Variants in USP9X observed in about 807,000 individuals in gnomAD.
USP9X encodes the protein ubiquitin specific peptidase 9 X-linked, also known as ubiquitin carboxyl-terminal hydrolase 9X.
Under a neutral mutation model 190.3 loss-of-function variants are expected in USP9X, and 7 were observed. The ratio of observed to expected loss-of-function variants is 0.04; its 90% confidence interval spans 0.02 to 0.07. The LOEUF (loss-of-function observed/expected upper bound fraction) is 0.07, where lower values mean the gene tolerates loss of function less well. USP9X is among the 10% of genes least tolerant of loss of function. The pLI, the probability that USP9X is intolerant of heterozygous loss-of-function variation, is 1.00. For missense variants in USP9X, 1,010 were observed against 1,916.9 expected, an observed-to-expected ratio of 0.53 and a Z score of 8.83; for synonymous variants, 645 against 659.5, an observed-to-expected ratio of 0.98 and a Z score of 0.34.
intron 32 of USP9X, among the ~76,000 whole-genome samples, chrX:41,207,629 A>T (rs1283498445): frequency 1.8e-5 from 2 of 111,425 alleles, no homozygotes; most frequent in Non-Finnish European, 3.8e-5. Context: ...GAAAAGGGGT[A>T]TAATTCTTTA....
chrX:41,168,330 C>A, intron 18 of USP9X, 112 bp downstream of exon 18: 1 of 645,426 alleles, frequency 1.5e-6, no homozygotes, highest in Non-Finnish European at 2.2e-6. Context: ...TTGTCTTTGC[C>A]CATTAAAAAC....
At chrX:41,213,959 C>T (rs190631444) in intron 33 of USP9X, among the ~76,000 whole-genome samples, 3 of 111,985 alleles carry the variant, frequency 2.7e-5, no homozygotes, top group Non-Finnish European at 5.6e-5. Context: ...ATAATGTATT[C>T]CTCACATCCC....
intron 15 of USP9X, among the ~76,000 whole-genome samples, chrX:41,165,435 A>G (rs1251212857): frequency 8.9e-6 from 1 of 112,110 alleles, no homozygotes; most frequent in East Asian, 2.8e-4. Context: ...CATGTTGGCC[A>G]GGCTGGTCAC....
intron 2 of USP9X, among the ~76,000 whole-genome samples, chrX:41,125,684 A>ACACACACTCTCTCTCTCTCT: frequency 2.1e-4 from 4 of 19,025 alleles, no homozygotes; most frequent in African/African-American, 6.6e-4. Flanking sequence ...ACACACACAC[A>ACACACACTCTCTCTCTCTCT]CTCTCTCTCT....
chrX:41,197,352 C>CCCCCCTGG lies in USP9X; in HGVS notation c.4234-12_4234-11insCCCCCTGG. On this transcript the variant is annotated splice_polypyrimidine_tract_variant and intron_variant, in intron 28 of 44. Transcript: ENST00000378308. ...TTCTTCCCCCCCCCACCCCACCCCCCGCCTTTGGCAGGATGATGTTAAAAG... is the reference window on the plus strand; with the variant it reads ...TTCTTCCCCCCCCCACCCCACCCCCCCCCCCTGGGCCTTTGGCAGGATGATGTTAAAAG... 5.1e-6 allele frequency: 5 copies of CCCCCCTGG among 988,189 alleles called. No individual in the cohort carries two copies. The highest frequency in any genetic ancestry group is 6.6e-6 in the Non-Finnish European group (5 of 759,364). 81.4% of individuals were successfully genotyped at this position (988,189 alleles called of 1,213,427 possible). A position where few individuals can be genotyped will look rare whatever the true frequency, so the allele number is the denominator to read the frequency against.
intron 1 of USP9X, among the ~76,000 whole-genome samples, chrX:41,104,596 A>G (rs2062056112): frequency 9.0e-6 from 1 of 111,505 alleles, no homozygotes; most frequent in Non-Finnish European, 1.9e-5. Flanking sequence ...TCTAGAGATT[A>G]TATTTATAGG....
In USP9X at chrX:41,198,530, A is replaced by G; in HGVS notation, c.4383A>G (p.Glu1461=). The change falls in exon 30 of 45, where the codon GAA becomes GAG. Residue 1461 remains glutamate (E), a splice_region_variant and synonymous_variant. Coordinates refer to ENST00000378308, the MANE Select transcript of USP9X (RefSeq NM_001039591.3). ...TAATCCCTTTTTCAACTTTTTAGGA[A>G]TTAATTGATGATTTCATATTTCCTG... The part of the protein sequence containing the change: ...CEKGGANLIK[E]LIDDFIFPAS... The G allele has an allele frequency of 8.3e-7, 1 of 1,198,719 alleles. No homozygotes were observed. Among genetic ancestry groups the G allele is most frequent in the South Asian group, 1.8e-5 (1 of 54,673 alleles).
In USP9X at chrX:41,164,029, C is replaced by T. The variant is rs1310121693; in HGVS notation, c.1985+1152C>T. On this transcript the variant is annotated intron_variant, in intron 15 of 44. Transcript: ENST00000378308. ...CTGGGACTACAGGCATGCGCCACCA[C>T]GCCCAGCTAATTTTTGTGTTTTTAG... Among the ~76,000 whole-genome samples the T allele has an allele frequency of 1.3e-4, 15 of 111,133 alleles. No homozygotes were observed. In the East Asian group the frequency reaches 4.3e-3, roughly 32 times the overall value.
At chrX:41,132,980 A>C (rs1345678496) in intron 4 of USP9X, among the ~76,000 whole-genome samples, 1 of 111,809 alleles carries the variant, frequency 8.9e-6, no homozygotes, top group African/African-American at 3.3e-5. Context: ...AATAACTTTC[A>C]ATTCATTTTT....
At chrX:41,126,059 T>C (rs1488268501) in intron 2 of USP9X, among the ~76,000 whole-genome samples, 1 of 111,457 alleles carries the variant, frequency 9.0e-6, no homozygotes, top group African/African-American at 3.3e-5. Flanking sequence ...TATACTGTTA[T>C]TTGGGGATAA....
In USP9X at chrX:41,217,301, G is replaced by C. The variant is rs1437565437; in HGVS notation, c.6167G>C (p.Gly2056Ala). 4.1e-6 allele frequency: 5 copies of C among 1,208,402 alleles called. No homozygotes were observed. In the Admixed American group the frequency reaches 1.1e-4, roughly 26 times the overall value. ...GCTGCTAGGTTCCTCTTTACTACAGGATTTCACACAAAGAAAGTAGTCCGT... is the reference window on the plus strand; with the variant it reads ...GCTGCTAGGTTCCTCTTTACTACAGCATTTCACACAAAGAAAGTAGTCCGT... ...QLAARFLFTT[G>A]FHTKKVVRGS... The change falls in exon 36 of 45, where the codon GGA becomes GCA. Residue 2056 changes from glycine to alanine, a missense_variant. Gly to Ala is a moderately conservative substitution (Grantham distance 60). Around this residue, in one of 11 missense-constraint regions of USP9X, gnomAD observed 121 missense variants for 281.2 expected, o/e 0.43. Transcript: ENST00000378308.
intron 38 of USP9X, among the ~76,000 whole-genome samples, chrX:41,222,396 GA>G (rs3831706): frequency 0.41 from 45,337 of 110,032 alleles, 6,984 homozygotes; most frequent in East Asian, 0.51. Flanking sequence ...TTACTGTGAA[GA>G]GGGGCCAAAA....
At chrX:41,139,204 T>C (rs1490275842) in intron 6 of USP9X, among the ~76,000 whole-genome samples, 2 of 112,500 alleles carry the variant, frequency 1.8e-5, no homozygotes, top group Non-Finnish European at 3.8e-5. Flanking sequence ...TTCTTACAAT[T>C]GCTGAATGAC....
chrX:41,123,369 T>C, intron 1 of USP9X, 102 bp from the exon 2 acceptor site: 4 of 317,885 alleles, frequency 1.3e-5, no homozygotes, highest in East Asian at 6.3e-5. Flanking sequence ...GTATAGCCCC[T>C]TTTTCCTGAT....
At chrX:41,150,449 CTATT>C (rs1390134508) in intron 12 of USP9X, among the ~76,000 whole-genome samples, 60 of 111,614 alleles carry the variant, frequency 5.4e-4, no homozygotes, top group Non-Finnish European at 7.5e-5. Flanking sequence ...AGTTGTCATT[CTATT>C]TATTTTCTTA....
At chrX:41,200,510 T>C (rs1001807688) in intron 30 of USP9X, among the ~76,000 whole-genome samples, 1 of 111,610 alleles carries the variant, frequency 9.0e-6, no homozygotes, top group African/African-American at 3.3e-5. Context: ...ATTATAGATA[T>C]CAGGAAAGCA....
intron 30 of USP9X, among the ~76,000 whole-genome samples, chrX:41,199,366 AG>A (rs1483712740): frequency 3.6e-5 from 4 of 112,245 alleles, no homozygotes; most frequent in African/African-American, 1.3e-4. Flanking sequence ...ATTAAAAGGT[AG>A]CCAAAGTAAA....
At chrX:41,231,230 C>G (rs767938308) in intron 44 of USP9X, among the ~76,000 whole-genome samples, 1 of 111,592 alleles carries the variant, frequency 9.0e-6, no homozygotes, top group Admixed American at 9.5e-5. Context: ...GAGCTAGATG[C>G]TACCCTAAAG....
chrX:41,186,995 G>A (rs1453010599), intron 24 of USP9X, among the ~76,000 whole-genome samples: 4 of 99,156 alleles, frequency 4.0e-5, no homozygotes, highest in Admixed American at 3.3e-4. Context: ...CCCCATGCCC[G>A]GCTATTTTTT....
Sources: gnomAD v4.1 joint callset for allele counts (sites outside exome capture counted in the v4.1 genomes callset) on GRCh38, gnomAD v4.1.1 for gene constraint, gnomAD v4.1.1 regional missense constraint, MANE v1.5 for transcripts, NCBI Gene and HGNC (gene_info 2026-07-23, HGNC 2026-07-21) for gene names.